The following AVEN variants were observed in gnomAD, a reference collection of about 807,000 sequenced individuals.
AVEN encodes the protein apoptosis and caspase activation inhibitor.
AVEN carries 41 observed loss-of-function variants against 38.1 expected under a neutral mutation model. That is an observed-to-expected ratio of 1.08 (90% CI 0.84 to 1.40). The LOEUF (loss-of-function observed/expected upper bound fraction) is 1.40, where lower values mean the gene tolerates loss of function less well. AVEN is among the 40% of genes most tolerant of loss of function. AVEN has a pLI of 0.00. For synonymous variants in AVEN, 206 were observed against 171.8 expected (o/e 1.20, Z -1.56); for missense variants, 605 against 438.8 (o/e 1.38, Z -3.38).
chr15:33,894,218 G>C (rs1481929829), intron 2 of AVEN, among the ~76,000 whole-genome samples: 2 of 151,896 alleles, frequency 1.3e-5, no homozygotes, highest in African/African-American at 4.8e-5. Context: ...CTAAAGTTCT[G>C]GGATTAAAGG....
intron 2 of AVEN, among the ~76,000 whole-genome samples, chr15:33,967,448 A>G (rs1219237902): frequency 6.6e-6 from 1 of 152,096 alleles, no homozygotes; most frequent in African/African-American, 2.4e-5. Context: ...TATACATACT[A>G]AAGTACAAAT....
At chr15:34,009,589 A>G (rs1460925377) in intron 1 of AVEN, among the ~76,000 whole-genome samples, 1 of 152,232 alleles carries the variant, frequency 6.6e-6, no homozygotes, top group Non-Finnish European at 1.5e-5. Context: ...AACACTAAAG[A>G]GCTAGCATGA....
intron 2 of AVEN, among the ~76,000 whole-genome samples, chr15:33,905,917 T>C (rs10152674): frequency 0.46 from 69,474 of 151,898 alleles, 17,612 homozygotes; most frequent in East Asian, 0.59. Context: ...ATGTTTAGCA[T>C]ACCTGTTACC....
chr15:33,909,881 C>A (rs951135857), intron 2 of AVEN, among the ~76,000 whole-genome samples: 1 of 152,100 alleles, frequency 6.6e-6, no homozygotes, highest in African/African-American at 2.4e-5. Context: ...GTAATCCCAA[C>A]ACTTTGGGAG....
At chr15:33,936,658 T>G (rs1276304958) in intron 2 of AVEN, among the ~76,000 whole-genome samples, 3 of 152,184 alleles carry the variant, frequency 2.0e-5, no homozygotes, top group African/African-American at 7.2e-5. Context: ...GCATGAGTGA[T>G]TTAATCAACT....
chr15:33,909,882 A>G (rs1892853253), intron 2 of AVEN, among the ~76,000 whole-genome samples: 1 of 151,900 alleles, frequency 6.6e-6, no homozygotes, highest in Non-Finnish European at 1.5e-5. Flanking sequence ...TAATCCCAAC[A>G]CTTTGGGAGG....
chr15:34,039,385 TAAAA>T (rs984283789), upstream of AVEN, among the ~76,000 whole-genome samples: 7 of 143,386 alleles, frequency 4.9e-5, no homozygotes, highest in Non-Finnish European at 9.1e-5. Context: ...AGTCATAAAA[TAAAA>T]TTTGTATGAT....
rs887498663 is a variant in AVEN, at chr15:33,872,139, A to G, written c.517-1109T>C. On this transcript the variant is annotated intron_variant, in intron 3 of 5. Transcript: ENST00000306730. ...CTATGGGGGTGGGGTGTAAAGAGAAAGGAGACACTCCAGTGCTGGGGAGAG... is the reference window on the plus strand; with the variant it reads ...CTATGGGGGTGGGGTGTAAAGAGAAGGGAGACACTCCAGTGCTGGGGAGAG... Among the ~76,000 whole-genome samples the G allele has an allele frequency of 4.6e-5, 7 of 152,112 alleles. 1 individual carries two copies. The South Asian group carries it at 1.5e-3, about 32-fold the overall frequency.
At chr15:34,044,821 C>T (rs775551100) in intron 5 of AVEN, among the ~76,000 whole-genome samples, 6 of 152,120 alleles carry the variant, frequency 3.9e-5, no homozygotes, top group East Asian at 3.9e-4. Context: ...GAGGCCGAGG[C>T]GGGAGGATCA....
chr15:33,996,540 C>T (rs4542632), intron 2 of AVEN, among the ~76,000 whole-genome samples: 31,822 of 152,148 alleles, frequency 0.21, 5,119 homozygotes, highest in African/African-American at 0.45. Flanking sequence ...CTGCAGCCTC[C>T]GCTGGTGATA....
At chr15:33,902,498 G>T (rs1365439300) in intron 2 of AVEN, among the ~76,000 whole-genome samples, 2 of 152,134 alleles carry the variant, frequency 1.3e-5, no homozygotes, top group African/African-American at 4.8e-5. Flanking sequence ...GGAAACAAAT[G>T]AAAACTATTC....
chr15:34,018,994 T>C (rs796780661), intron 1 of AVEN, among the ~76,000 whole-genome samples: 9 of 152,232 alleles, frequency 5.9e-5, no homozygotes, highest in African/African-American at 1.9e-4. Context: ...AGAGTGCTCA[T>C]TGGTGCATCT....
chr15:33,931,349 C>CTTTTTT lies in AVEN; in HGVS notation c.446-55360_446-55355dup, dbSNP rs71119903. Among the ~76,000 whole-genome samples, 20 of 89,272 alleles carry CTTTTTT rather than the reference C, an allele frequency of 2.2e-4. 2 individuals are homozygous for CTTTTTT. The highest frequency in any genetic ancestry group is 4.6e-4 in the African/African-American group (9 of 19,400). 58.6% of individuals were successfully genotyped at this position (89,272 alleles called of 152,430 possible). A position where few individuals can be genotyped will look rare whatever the true frequency, so the allele number is the denominator to read the frequency against. On this transcript the variant is annotated intron_variant, in intron 2 of 5. Transcript: ENST00000306730. ...AAAAAGAAACTATGCTGAATATTTT[C>CTTTTTT]TTTTTTTTTTTTTTTTTTTTTTTTT...
chr15:33,957,722 TG>T (rs894382805), intron 2 of AVEN, among the ~76,000 whole-genome samples: 7 of 130,982 alleles, frequency 5.3e-5, no homozygotes, highest in Non-Finnish European at 1.1e-4. Context: ...TTATATTGTA[TG>T]AAAAAAAAAA....
chr15:33,938,907 T>C (rs1052404152), intron 2 of AVEN, among the ~76,000 whole-genome samples: 4 of 151,866 alleles, frequency 2.6e-5, no homozygotes, highest in Admixed American at 1.3e-4. Context: ...AATGGCGCCA[T>C]CTCGGCTCAC....
At chr15:33,955,639 A>G (rs1433289688) in intron 2 of AVEN, among the ~76,000 whole-genome samples, 1 of 152,210 alleles carries the variant, frequency 6.6e-6, no homozygotes, top group Non-Finnish European at 1.5e-5. Flanking sequence ...TCATAGGAAG[A>G]TAAGAAATGT....
At chr15:34,059,635 C>T (rs1411261871) in intron 5 of AVEN, among the ~76,000 whole-genome samples, 2 of 152,194 alleles carry the variant, frequency 1.3e-5, no homozygotes, top group African/African-American at 4.8e-5. Flanking sequence ...CATTCCTCCT[C>T]TTTTGCCTCT....
chr15:33,924,747 C>T (rs1396338454), intron 2 of AVEN, among the ~76,000 whole-genome samples: 1 of 152,148 alleles, frequency 6.6e-6, no homozygotes, highest in African/African-American at 2.4e-5. Flanking sequence ...GAGATGTAAG[C>T]TTTCAGAGTA....
At chr15:33,864,587 GGT>G (rs1889794394), downstream of AVEN, among the ~76,000 whole-genome samples, 1 of 151,366 alleles carries the variant, frequency 6.6e-6, no homozygotes, top group African/African-American at 2.4e-5. Flanking sequence ...GGAGCCTGGA[GGT>G]GTGCATGTGA....
Sources: allele counts gnomAD v4.1 joint callset (sites outside exome capture counted in the v4.1 genomes callset), GRCh38; gene constraint gnomAD v4.1.1; transcripts MANE v1.5; gene names NCBI Gene and HGNC (gene_info 2026-07-23, HGNC 2026-07-21).